The following LGI3 variants were observed in gnomAD, a reference collection of about 807,000 sequenced individuals.
LGI3 encodes leucine rich repeat LGI family member 3.
Under a neutral mutation model 55.4 loss-of-function variants are expected in LGI3, and 47 were observed. The ratio of observed to expected loss-of-function variants is 0.85; its 90% CI spans 0.67 to 1.08. The LOEUF (loss-of-function observed/expected upper bound fraction) is 1.08, where lower values mean the gene tolerates loss of function less well. LGI3 is among the 50% of genes least tolerant of loss of function. The pLI is 0.00. For synonymous variants in LGI3, 326 were observed against 315.0 expected, an observed-to-expected ratio of 1.04 and a Z score of -0.37; for missense variants, 664 against 726.3, an observed-to-expected ratio of 0.91 and a Z score of 0.99.
At chr8:22,156,226 C>A in intron 1 of LGI3, 111 bp downstream of exon 1, 1 of 1,208,290 alleles carries the variant, frequency 8.3e-7, no homozygotes, top group Non-Finnish European at 1.2e-6. Context: ...CTGCAGTCCC[C>A]CTGGTCCCCG....
chr8:22,151,948 C>T lies in LGI3; in HGVS notation c.547G>A (p.Glu183Lys). The T allele has an allele frequency of 6.2e-7, 1 of 1,612,978 alleles. No individual in the cohort carries two copies. Among genetic ancestry groups the T allele is most frequent in the East Asian group, 2.2e-5 (1 of 44,876 alleles). Residue 183 changes from glutamate (E) to lysine (K), a missense_variant, in exon 6 of 8, where the codon GAG becomes AAG. By Grantham distance (56) the Glu-to-Lys change is moderately conservative (BLOSUM62 1). Transcript: ENST00000306317. ...GTGGTGTTGGTGTGTGCCAGCCACT[C>T]CACCAACCACTTCACCTTGCAGTCA... ...NCDCKVKWLVEWLAHTNTTVA... is the reference protein window; with the variant it reads ...NCDCKVKWLVKWLAHTNTTVA...
chr8:22,151,502 A>G lies in LGI3; in HGVS notation c.816T>C (p.Tyr272=). ...WDYVERQLRD[Y]DRIPAPSAVH... Reference sequence around the variant, plus strand: ...GGGCGCAGGTACCTGGGATTCTATCATAGTCTCGAAGCTGCCGCTCAACAT... The same window carrying G: ...GGGCGCAGGTACCTGGGATTCTATCGTAGTCTCGAAGCTGCCGCTCAACAT... The change falls in exon 7 of 8, where the codon TAT becomes TAC. Residue 272 remains tyrosine, a synonymous_variant. Coordinates refer to ENST00000306317, the MANE Select transcript of LGI3 (RefSeq NM_139278.4). 6.2e-7 allele frequency: 1 copy of G among 1,614,054 alleles called. No individual in the cohort carries two copies. The highest frequency in any genetic ancestry group is 8.5e-7 in the Non-Finnish European group (1 of 1,179,992).
chr8:22,149,979 T>C (rs557705320), intron 7 of LGI3, among the ~76,000 whole-genome samples: 15 of 152,296 alleles, frequency 9.8e-5, no homozygotes, highest in African/African-American at 3.1e-4. Flanking sequence ...TTCAGCTCCA[T>C]ACCCATCGCT....
At chr8:22,152,774 C>T (rs1291450900) in intron 5 of LGI3, among the ~76,000 whole-genome samples, 2 of 149,298 alleles carry the variant, frequency 1.3e-5, no homozygotes, top group Admixed American at 6.7e-5. Flanking sequence ...ATGTTGGCCG[C>T]GCACAGTGGC....
chr8:22,151,176 C>T (rs542643823), intron 7 of LGI3, among the ~76,000 whole-genome samples: 1 of 152,286 alleles, frequency 6.6e-6, no homozygotes, highest in Admixed American at 6.5e-5. Context: ...TCTGAGTTCT[C>T]CCTTTCCTCT....
chr8:22,151,763 G>C (rs963123588), intron 6 of LGI3, 68 bp downstream of exon 6: 18 of 1,566,862 alleles, frequency 1.1e-5, no homozygotes, highest in Non-Finnish European at 1.6e-5. Flanking sequence ...CAGGGTGGGG[G>C]GTTTCGTGTC....
At position 22,147,826 on chromosome 8, in the gene LGI3, G is replaced by C; in HGVS notation, c.*334C>G. 1 of 269,810 alleles carries C rather than the reference G, an allele frequency of 3.7e-6. No individual in the cohort carries two copies. Among genetic ancestry groups the C allele is most frequent in the Non-Finnish European group, 7.0e-6 (1 of 141,892 alleles). The allele number at this position is 269,810 out of a possible 1,614,324, so 16.7% of individuals were successfully genotyped here. On this transcript the variant is annotated 3_prime_UTR_variant, in exon 8 of 8. Transcript: ENST00000306317. ...AGAAGCACAAGGACAGGAGGATGCG[G>C]CCCCCCTCGCTCCCAGCACCCCGCA...
At chr8:22,151,382 T>G in intron 7 of LGI3, 107 bp downstream of exon 7, 1 of 1,038,982 alleles carries the variant, frequency 9.6e-7, no homozygotes, top group South Asian at 1.5e-5. Context: ...GCAGAGGGTA[T>G]GTCTCATCTA....
intron 5 of LGI3, among the ~76,000 whole-genome samples, chr8:22,153,501 G>A (rs550170931): frequency 6.6e-6 from 1 of 151,712 alleles, no homozygotes; most frequent in Non-Finnish European, 1.5e-5. Flanking sequence ...AGGAGCTCGA[G>A]ACCAGTCTGG....
intron 1 of LGI3, 52 bp from the exon 2 acceptor site, chr8:22,155,515 G>T: frequency 1.3e-6 from 2 of 1,481,674 alleles, no homozygotes; most frequent in Non-Finnish European, 9.4e-7. Flanking sequence ...CTGTGCTGAG[G>T]CAGGGAGAGG....
At position 22,154,093 on chromosome 8, in the gene LGI3, C is replaced by G. The variant is rs189249422; in HGVS notation, c.422+49G>C. 6.5e-5 allele frequency: 105 copies of G among 1,611,160 alleles called. No individual in the cohort carries two copies. In the Admixed American group the frequency reaches 1.7e-3, roughly 26 times the overall value. On this transcript the variant is annotated intron_variant, in intron 4 of 7. Coordinates refer to ENST00000306317, the MANE Select transcript of LGI3 (RefSeq NM_139278.4). The stretch of plus-strand genomic sequence containing the variant: ...AGATCATGAGCAAGGCCAAAGGCCA[C>G]AGGAGAGGTGGGGCTTTGGTGCAGT...
In LGI3 at chr8:22,156,786, C is replaced by G. The variant is rs1827515725; in HGVS notation, c.-244G>C. 1 of 167,034 alleles carries G rather than the reference C, an allele frequency of 6.0e-6. No individual in the cohort carries two copies. The highest frequency in any genetic ancestry group is 1.3e-5 in the Non-Finnish European group (1 of 78,810). 10.3% of individuals were successfully genotyped at this position (167,034 alleles called of 1,614,324 possible). ...AGCTGGAGCCGCAGCCGGGGCTGAC[C>G]GCGCCGGGTGGCTGCGGACTGCGGC... is the stretch of plus-strand genomic sequence containing the variant. On this transcript the variant is annotated 5_prime_UTR_variant, in exon 1 of 8. Transcript: ENST00000306317.
chr8:22,156,641 G>C lies in LGI3; in HGVS notation c.-99C>G, dbSNP rs1159097164. The C allele has an allele frequency of 6.3e-6, 2 of 317,036 alleles. No individual in the cohort carries two copies. The highest frequency in any genetic ancestry group is 1.1e-5 in the Non-Finnish European group (2 of 186,322). The allele number at this position is 317,036 out of a possible 1,614,324, so 19.6% of individuals were successfully genotyped here. On this transcript the variant is annotated 5_prime_UTR_variant, in exon 1 of 8. Coordinates refer to ENST00000306317, the MANE Select transcript of LGI3 (RefSeq NM_139278.4). ...CGCGGGCTGGCACCTCCCTGCCACC[G>C]GCAGCTGCTACCGCAGCCAGGGGCC...
At position 22,151,551 on chromosome 8, in the gene LGI3, G is replaced by A; in HGVS notation, c.767C>T (p.Ala256Val). Residue 256 changes from alanine to valine, a missense_variant, in exon 7 of 8, where the codon GCC (alanine) becomes GTC (valine). Physicochemically the swap from Ala to Val is moderately conservative, Grantham distance 64 (BLOSUM62 0). Transcript: ENST00000306317. ...YLALAQPGVSACTILKWDYVE... is the reference protein window; with the variant it reads ...YLALAQPGVSVCTILKWDYVE... ...ATAGTCCCACTTCAGGATGGTGCAGGCACTGACTCCTGGCTGGGCCAGAGC... is the reference window on the plus strand; with the variant it reads ...ATAGTCCCACTTCAGGATGGTGCAGACACTGACTCCTGGCTGGGCCAGAGC... 1 of 1,614,074 alleles carries A rather than the reference G, an allele frequency of 6.2e-7. No individual in the cohort carries two copies. Among genetic ancestry groups the A allele is most frequent in the South Asian group, 1.1e-5 (1 of 91,084 alleles).
At position 22,156,739 on chromosome 8, in the gene LGI3, G is replaced by T. The variant is rs1827514119; in HGVS notation, c.-197C>A. The T allele has an allele frequency of 1.5e-5, 3 of 203,546 alleles. No individual in the cohort carries two copies. The highest frequency in any genetic ancestry group is 2.9e-5 in the Non-Finnish European group (3 of 103,348). 12.6% of individuals were successfully genotyped at this position (203,546 alleles called of 1,614,324 possible). On this transcript the variant is annotated 5_prime_UTR_variant, in exon 1 of 8. Coordinates refer to ENST00000306317, the MANE Select transcript of LGI3 (RefSeq NM_139278.4). Reference sequence around the variant, plus strand: ...CCTGCTCGCTCCCGCGATCCGGCTCGGGAGAGAAGAGCGGAGCGCGGAGCT... The same window carrying T: ...CCTGCTCGCTCCCGCGATCCGGCTCTGGAGAGAAGAGCGGAGCGCGGAGCT...
rs1827452352 is a variant in LGI3, at chr8:22,154,035, G to A, written c.427C>T (p.Leu143=). 1.9e-6 allele frequency: 3 copies of A among 1,614,220 alleles called. No homozygotes were observed. The highest frequency in any genetic ancestry group is 4.5e-5 in the East Asian group (2 of 44,888). The change falls in exon 5 of 8, where the codon CTG becomes TTG. Residue 143 remains leucine (L), a synonymous_variant. Transcript: ENST00000306317. ...AGTGTCTGCAGGTTATTGTTGGCCA[G>A]CGAGCTGCAAAAGAGACCGCCAGGT... is the stretch of plus-strand genomic sequence containing the variant. ...RGLKSLTHLS[L]ANNNLQTLPR...
In LGI3 at chr8:22,148,498, G is replaced by A; in HGVS notation, c.1309C>T (p.Leu437=). 3 of 1,613,240 alleles carry A rather than the reference G, an allele frequency of 1.9e-6. No homozygotes were observed. The highest frequency in any genetic ancestry group is 2.5e-6 in the Non-Finnish European group (3 of 1,179,946). Residue 437 remains leucine, a synonymous_variant, in exon 8 of 8, where the codon CTG becomes TTG. Transcript: ENST00000306317. The surrounding 1 kb of genome is among the most constrained non-coding windows in gnomAD (Gnocchi z 7.0). Reference sequence around the variant, plus strand: ...TCGCCAATGTAGCGGCTGAGGCACAGGTAGCTGTCGCGGCCGGCACGAAAG... The same window carrying A: ...TCGCCAATGTAGCGGCTGAGGCACAAGTAGCTGTCGCGGCCGGCACGAAAG... ...KHFRAGRDSY[L]CLSRYIGDSK...
chr8:22,148,168 T>C lies in LGI3; in HGVS notation c.1639A>G (p.Ser547Gly). The C allele has an allele frequency of 1.3e-6, 2 of 1,595,826 alleles. No individual in the cohort carries two copies. Among genetic ancestry groups the C allele is most frequent in the Non-Finnish European group, 1.7e-6 (2 of 1,171,092 alleles). The change falls in exon 8 of 8, where the codon AGT becomes GGT. Residue 547 changes from serine (S) to glycine (G), a missense_variant. Coordinates refer to ENST00000306317, the MANE Select transcript of LGI3 (RefSeq NM_139278.4). This position sits in a 1 kb window ranked among gnomAD's most constrained non-coding sequence, Gnocchi z 7.0. Reference sequence around the variant, plus strand: ...AGAGGCCTCGGCACCCCCTAGGCACTGAGATCCACCACAATGTGTCTATAC... The same window carrying C: ...AGAGGCCTCGGCACCCCCTAGGCACCGAGATCCACCACAATGTGTCTATAC... ...LVYRHIVVDLSA is the reference protein window; with the variant it reads ...LVYRHIVVDLGA
rs34112456 is a variant in LGI3, at chr8:22,148,237, C to T, written c.1570G>A (p.Ala524Thr). ...AAGCTGGGGGCCAGGAGTAGCTGGG[C>T]GTCCCCAGCAGGCATGTAGCAGAAG... ...RAFCYMPAGD[A>T]QLLLAPSFKG... The change falls in exon 8 of 8, where the codon GCC (alanine) becomes ACC (threonine). Residue 524 changes from alanine to threonine, a missense_variant. By Grantham distance (58) the Ala-to-Thr change is moderately conservative (BLOSUM62 0). Coordinates refer to ENST00000306317, the MANE Select transcript of LGI3 (RefSeq NM_139278.4). The surrounding 1 kb of genome is among the most constrained non-coding windows in gnomAD (Gnocchi z 7.0). The T allele has an allele frequency of 3.6e-3, 5,738 of 1,613,938 alleles. 179 individuals carry two copies. In the African/African-American group the frequency reaches 0.069, roughly 19 times the overall value.
Sources: allele counts gnomAD v4.1 joint callset (sites outside exome capture counted in the v4.1 genomes callset), GRCh38; gene constraint gnomAD v4.1.1; non-coding constraint Gnocchi (gnomAD v3.1); transcripts MANE v1.5; gene names NCBI Gene and HGNC (gene_info 2026-07-23, HGNC 2026-07-21).